ABCA8: variants seen among roughly 807,000 people sequenced by gnomAD.
ABCA8 encodes the protein ABC-type organic anion transporter ABCA8.
A neutral mutation model predicts 192.3 loss-of-function variants in ABCA8; 177 were observed. The observed-to-expected ratio is 0.92, with a 90% CI of 0.81 to 1.04. The LOEUF (loss-of-function observed/expected upper bound fraction) is 1.04. Among genes scored for constraint, ABCA8 ranks in the 50% least tolerant of loss-of-function variants. The pLI is 0.00. For synonymous variants in ABCA8, 642 were observed against 690.2 expected (o/e 0.93, Z 1.09); for missense variants, 1,915 against 1,904.8 (o/e 1.01, Z -0.10).
intron 29 of ABCA8, among the ~76,000 whole-genome samples, 157 bp from the exon 30 acceptor site, chr17:68,882,876 C>T (rs1342866050): frequency 6.6e-6 from 1 of 152,184 alleles, no homozygotes; most frequent in Non-Finnish European, 1.5e-5. Context: ...CCTTGCTTAT[C>T]TTATCTATAG....
At chr17:68,918,347 T>C (rs2067438029) in intron 15 of ABCA8, 80 bp downstream of exon 15, 1 of 1,510,004 alleles carries the variant, frequency 6.6e-7, no homozygotes, top group South Asian at 1.3e-5. Flanking sequence ...ACATGTCCTT[T>C]GCGAATAAAA....
At chr17:68,945,382 ATTTG>A (rs2068370896) in intron 2 of ABCA8, among the ~76,000 whole-genome samples, 1 of 151,518 alleles carries the variant, frequency 6.6e-6, no homozygotes, top group South Asian at 2.1e-4. Flanking sequence ...TATTTTAGAT[ATTTG>A]TTTGCTGCTA....
At position 68,929,097 on chromosome 17, in the gene ABCA8, C is replaced by T; in HGVS notation, c.1077G>A (p.Trp359Ter). The T allele has an allele frequency of 6.2e-7, 1 of 1,600,332 alleles. No homozygotes were observed. The highest frequency in any genetic ancestry group is 8.5e-7 in the Non-Finnish European group (1 of 1,172,658). ...CAAAGGGACTAAGCAAGCTTAAAAT[C>T]CACTCCAAGGATGCAGGAAGGTGTC... is the stretch of plus-strand genomic sequence containing the variant. The part of the protein sequence containing the change: ...LYRHLPASLE[W>*]ILSLLSPFAF... Residue 359 changes from tryptophan (W) to a stop codon, truncating the protein, a stop_gained, in exon 9 of 40, where the codon TGG becomes TGA. Transcript: ENST00000586539. LOFTEE classifies it high-confidence loss of function.
intron 1 of ABCA8, among the ~76,000 whole-genome samples, chr17:68,950,897 A>G (rs1391995666): frequency 6.6e-6 from 1 of 152,138 alleles, no homozygotes; most frequent in African/African-American, 2.4e-5. Context: ...TACTTGGGCC[A>G]AGAGAAGAAG....
chr17:68,885,672 C>T lies in ABCA8; in HGVS notation c.3430-357G>A, dbSNP rs532059815. 1.9e-4 allele frequency among the ~76,000 whole-genome samples: 29 copies of T among 152,006 alleles called. 1 individual carries two copies. The highest frequency in any genetic ancestry group is 7.8e-4 in the East Asian group (4 of 5,158). On this transcript the variant is annotated intron_variant, in intron 26 of 39. Transcript: ENST00000586539. ...AAGTGATCTTCCTCCCTCAGACTCC[C>T]GGATAGCTGGGACTACAGGTGCATG...
chr17:68,939,318 A>G (rs1397324795), intron 4 of ABCA8, among the ~76,000 whole-genome samples: 1 of 152,154 alleles, frequency 6.6e-6, no homozygotes, highest in African/African-American at 2.4e-5. Context: ...AAAACACACT[A>G]TGATCCATTT....
At chr17:68,925,641 G>A (rs1423335775) in intron 10 of ABCA8, among the ~76,000 whole-genome samples, 3 of 152,144 alleles carry the variant, frequency 2.0e-5, no homozygotes, top group African/African-American at 7.2e-5. Context: ...TTTCTCACAT[G>A]TTCAGTCCTT....
chr17:68,936,525 A>G (rs1161097403), intron 5 of ABCA8, among the ~76,000 whole-genome samples: 2 of 151,960 alleles, frequency 1.3e-5, no homozygotes, highest in Non-Finnish European at 2.9e-5. Context: ...ATTCTGTTCT[A>G]TTTATGTACA....
chr17:68,912,550 G>A (rs2067247883), intron 17 of ABCA8, among the ~76,000 whole-genome samples: 1 of 152,012 alleles, frequency 6.6e-6, no homozygotes, highest in Non-Finnish European at 1.5e-5. Context: ...TAATAACAGA[G>A]AACATTCCAT....
chr17:68,919,818 G>T (rs1238808487), intron 13 of ABCA8: 1 of 168,282 alleles, frequency 5.9e-6, no homozygotes, highest in African/African-American at 2.4e-5. Flanking sequence ...AAGAATCCCA[G>T]CAGGCCTTCT....
chr17:68,915,926 A>G (rs2143586781), intron 17 of ABCA8, among the ~76,000 whole-genome samples: 1 of 152,320 alleles, frequency 6.6e-6, no homozygotes, highest in South Asian at 2.1e-4. Flanking sequence ...CATACACACA[A>G]TGGAGTACTA....
intron 2 of ABCA8, among the ~76,000 whole-genome samples, chr17:68,947,210 G>T (rs1051514617): frequency 6.6e-6 from 1 of 152,046 alleles, no homozygotes; most frequent in African/African-American, 2.4e-5. Flanking sequence ...ATGGACATTA[G>T]ATATTTTCTT....
At chr17:68,884,896 C>T (rs1482091849) in intron 27 of ABCA8, 1 of 969,184 alleles carries the variant, frequency 1.0e-6, no homozygotes, top group East Asian at 1.1e-4. Context: ...ATTTCATTTG[C>T]TTCCTTCTAA....
At chr17:68,903,532 C>T in intron 19 of ABCA8, 33 bp from the exon 20 acceptor site, 1 of 1,595,608 alleles carries the variant, frequency 6.3e-7, no homozygotes, top group Non-Finnish European at 8.6e-7. Context: ...CTCATATGTA[C>T]TTTATTGAGC....
intron 27 of ABCA8, 55 bp from the exon 28 acceptor site, chr17:68,884,451 T>C (rs1348701946): frequency 6.5e-6 from 10 of 1,532,586 alleles, no homozygotes; most frequent in Middle Eastern, 3.5e-4. Context: ...CTGAATTTTG[T>C]CCACATATAC....
intron 2 of ABCA8, among the ~76,000 whole-genome samples, chr17:68,944,336 A>G (rs917222603): frequency 5.8e-5 from 4 of 68,746 alleles, no homozygotes; most frequent in Non-Finnish European, 8.2e-5. Context: ...ATATATATAT[A>G]TATATATATA....
At chr17:68,945,738 C>T (rs1009462060) in intron 2 of ABCA8, among the ~76,000 whole-genome samples, 2 of 151,830 alleles carry the variant, frequency 1.3e-5, no homozygotes, top group African/African-American at 4.8e-5. Context: ...TCCTTCTTTC[C>T]GTATTCATTT....
intron 2 of ABCA8, among the ~76,000 whole-genome samples, chr17:68,946,356 G>A (rs557048056): frequency 8.6e-5 from 13 of 152,046 alleles, no homozygotes; most frequent in Middle Eastern, 3.4e-3. Context: ...GTGAGCCCCC[G>A]CACCCAGCCG....
intron 5 of ABCA8, among the ~76,000 whole-genome samples, chr17:68,936,581 T>C (rs908473993): frequency 4.6e-5 from 7 of 152,098 alleles, no homozygotes; most frequent in Non-Finnish European, 1.0e-4. Flanking sequence ...TACTATAGCC[T>C]TGTAGTATAA....
Sources: gnomAD v4.1 joint callset for allele counts (sites outside exome capture counted in the v4.1 genomes callset) on GRCh38, gnomAD v4.1.1 for gene constraint, MANE v1.5 for transcripts, NCBI Gene and HGNC (gene_info 2026-07-23, HGNC 2026-07-21) for gene names.